FANCC: variants seen among roughly 807,000 people sequenced by gnomAD.
FANCC encodes FA complementation group C, also known as Fanconi anemia group C protein.
A neutral mutation model predicts 71.3 loss-of-function variants in FANCC; 55 were observed. The ratio of observed to expected loss-of-function variants is 0.77; its 90% CI spans 0.62 to 0.97. FANCC has a LOEUF of 0.97. Among genes scored for constraint, FANCC ranks in the 50% least tolerant of loss-of-function variants. The pLI is 0.00. For synonymous variants in FANCC, 275 were observed against 244.9 expected, an observed-to-expected ratio of 1.12 and a Z score of -1.15; for missense variants, 678 against 670.9, an observed-to-expected ratio of 1.01 and a Z score of -0.12.
chr9:95,189,285 C>T (rs1222776379), intron 4 of FANCC, among the ~76,000 whole-genome samples: 1 of 151,960 alleles, frequency 6.6e-6, no homozygotes, highest in Non-Finnish European at 1.5e-5. Context: ...ATTTTTAGAG[C>T]CCTTTTTACT....
chr9:95,160,387 ATC>A (rs941007927), intron 6 of FANCC, among the ~76,000 whole-genome samples: 5 of 151,972 alleles, frequency 3.3e-5, no homozygotes, highest in African/African-American at 1.2e-4. Flanking sequence ...ATTGGTCTAT[ATC>A]TCTGTTTTGG....
chr9:95,184,511 A>G (rs2135698303), intron 4 of FANCC, among the ~76,000 whole-genome samples: 1 of 152,288 alleles, frequency 6.6e-6, no homozygotes, highest in Non-Finnish European at 1.5e-5. Flanking sequence ...ACAGCAAAGA[A>G]GATTCGTGTT....
chr9:95,144,818 G>A (rs1387965228), intron 7 of FANCC, among the ~76,000 whole-genome samples: 1 of 152,158 alleles, frequency 6.6e-6, no homozygotes, highest in Non-Finnish European at 1.5e-5. Flanking sequence ...GCTCCATTGC[G>A]GGTGTTGGGC....
At chr9:95,236,343 T>C (rs1487439594) in intron 4 of FANCC, among the ~76,000 whole-genome samples, 2 of 152,182 alleles carry the variant, frequency 1.3e-5, no homozygotes, top group East Asian at 1.9e-4. Flanking sequence ...TGGCAAACAG[T>C]AGGTGCTCAA....
chr9:95,209,089 CTACTAAATGATAT>C (rs1050280430), intron 4 of FANCC, among the ~76,000 whole-genome samples: 19 of 152,100 alleles, frequency 1.2e-4, no homozygotes, highest in African/African-American at 2.4e-4. Context: ...TAAAAATGAG[CTACTAAATGATAT>C]TACTAAATGA....
chr9:95,301,175 AACACACACACACAC>A (rs146415585), intron 1 of FANCC, among the ~76,000 whole-genome samples: 1 of 145,984 alleles, frequency 6.9e-6, no homozygotes, highest in Non-Finnish European at 1.5e-5. Flanking sequence ...TAACCATCAA[AACACACACACACAC>A]ACACACACAC....
At chr9:95,279,567 C>CA (rs1000598478) in intron 1 of FANCC, among the ~76,000 whole-genome samples, 85 of 148,618 alleles carry the variant, frequency 5.7e-4, no homozygotes, top group African/African-American at 1.9e-3. Context: ...AACAGAGTTA[C>CA]AAAAAAAAGA....
chr9:95,122,714 A>C (rs557739378), intron 10 of FANCC, among the ~76,000 whole-genome samples: 2 of 152,338 alleles, frequency 1.3e-5, no homozygotes, highest in African/African-American at 4.8e-5. Flanking sequence ...AAGAGGCGCG[A>C]GCTAACCCTA....
chr9:95,129,490 T>C (rs1328035681), intron 8 of FANCC, among the ~76,000 whole-genome samples: 1 of 152,226 alleles, frequency 6.6e-6, no homozygotes, highest in Non-Finnish European at 1.5e-5. Flanking sequence ...TCCTGTTTTA[T>C]TTGTAAGGTG....
chr9:95,112,259 G>A (rs910008774), intron 12 of FANCC, among the ~76,000 whole-genome samples: 4 of 152,228 alleles, frequency 2.6e-5, no homozygotes, highest in African/African-American at 9.6e-5. Context: ...CTCAGCAGGT[G>A]AACATCTCCC....
chr9:95,291,967 A>AAAATATATATATAT (rs1441757988), intron 1 of FANCC, among the ~76,000 whole-genome samples: 1 of 50,430 alleles, frequency 2.0e-5, no homozygotes, highest in Non-Finnish European at 3.4e-5. Context: ...AAAAAAAAAA[A>AAAATATATATATAT]ATATATATAT....
chr9:95,165,929 TA>T (rs1442595796), intron 6 of FANCC, among the ~76,000 whole-genome samples: 1 of 152,100 alleles, frequency 6.6e-6, no homozygotes, highest in African/African-American at 2.4e-5. Context: ...ATTCTATTGG[TA>T]TCTGCTTCAT....
intron 9 of FANCC, 53 bp downstream of exon 9, chr9:95,126,476 G>T: frequency 1.3e-6 from 2 of 1,529,986 alleles, no homozygotes; most frequent in Non-Finnish European, 1.8e-6. Flanking sequence ...ATTCATGCTT[G>T]GAAATGGAAC....
chr9:95,192,548 G>A (rs569256850), intron 4 of FANCC, among the ~76,000 whole-genome samples: 3 of 152,104 alleles, frequency 2.0e-5, no homozygotes, highest in Non-Finnish European at 4.4e-5. Flanking sequence ...ACGCAATTAC[G>A]AATGAACAAA....
At chr9:95,271,452 C>T (rs1832709995) in intron 1 of FANCC, among the ~76,000 whole-genome samples, 2 of 152,122 alleles carry the variant, frequency 1.3e-5, no homozygotes, top group South Asian at 4.2e-4. Context: ...AAAGTGAAGA[C>T]AGAAGCAAAG....
intron 4 of FANCC, among the ~76,000 whole-genome samples, chr9:95,229,775 A>G (rs1829874315): frequency 3.2e-5 from 1 of 30,842 alleles, no homozygotes; most frequent in Non-Finnish European, 1.2e-4. Context: ...ACATGTACAC[A>G]CACACACACA....
At chr9:95,265,243 C>T (rs1588384860) in intron 1 of FANCC, among the ~76,000 whole-genome samples, 1 of 152,110 alleles carries the variant, frequency 6.6e-6, no homozygotes, top group South Asian at 2.1e-4. Context: ...TTGGAGGAGG[C>T]AACTTCAATC....
chr9:95,242,232 A>ATCAGT (rs1830672400), intron 3 of FANCC, among the ~76,000 whole-genome samples: 1 of 152,148 alleles, frequency 6.6e-6, no homozygotes, highest in South Asian at 2.1e-4. Context: ...CTTGCCTGAG[A>ATCAGT]TCAGTTCATT....
chr9:95,177,115 C>A lies in FANCC; in HGVS notation c.346-4968G>T, dbSNP rs1334630602. 6.6e-5 allele frequency among the ~76,000 whole-genome samples: 10 copies of A among 152,182 alleles called. 1 individual carries two copies. In the East Asian group the frequency reaches 1.9e-3, roughly 29 times the overall value. On this transcript the variant is annotated intron_variant, in intron 4 of 14. Transcript: ENST00000289081. The stretch of plus-strand genomic sequence containing the variant: ...AATGCTTCGTTAGGCAGTTTCTTTG[C>A]GTGCAAACATCACAGAGTGTACTTA...
Sources: allele counts gnomAD v4.1 joint callset (sites outside exome capture counted in the v4.1 genomes callset), GRCh38; gene constraint gnomAD v4.1.1; transcripts MANE v1.5; gene names NCBI Gene and HGNC (gene_info 2026-07-23, HGNC 2026-07-21).